Variants in ZNF691 observed in about 807,000 individuals in gnomAD.
The protein encoded by ZNF691 is zinc finger protein 691.
ZNF691 carries 11 observed loss-of-function variants against 24.1 expected under a neutral mutation model. That is an observed-to-expected ratio of 0.46 (90% CI 0.29 to 0.75). The LOEUF (loss-of-function observed/expected upper bound fraction) is 0.75, where lower values mean the gene tolerates loss of function less well. Ranked by LOEUF, ZNF691 falls within the 30% of genes least tolerant of loss-of-function variation. The pLI, the probability that ZNF691 is intolerant of heterozygous loss-of-function variation, is 0.11. For missense variants in ZNF691, 356 were observed against 409.0 expected (o/e 0.87, Z 1.12); for synonymous variants, 149 against 153.9 (o/e 0.97, Z 0.23).
rs1655380463 is a variant in ZNF691 at position 42,851,265 on chromosome 1, C to G, written c.400C>G (p.Gln134Glu). ...FNNTSNLRTH[Q>E]RIHTGEKPYK... ...TAATACCTCCAACCTGAGAACACAC[C>G]AGCGGATCCACACTGGTGAGAAGCC... Residue 134 changes from glutamine (Q) to glutamate (E), a missense_variant, in exon 4 of 4, where the codon CAG becomes GAG. Coordinates refer to ENST00000651192, the MANE Select transcript of ZNF691 (RefSeq NM_001242739.2). This position sits in a 1 kb window ranked among gnomAD's most constrained non-coding sequence, Gnocchi z 4.7. 1.2e-6 allele frequency: 2 copies of G among 1,613,724 alleles called. No individual in the cohort carries two copies.
At chr1:42,847,129 C>T (rs1655262938) in intron 1 of ZNF691, among the ~76,000 whole-genome samples, 1 of 152,204 alleles carries the variant, frequency 6.6e-6, no homozygotes, top group Non-Finnish European at 1.5e-5. Context: ...CCTCTGACTT[C>T]CTTGGTCCTC....
intron 1 of ZNF691, among the ~76,000 whole-genome samples, chr1:42,847,726 T>C (rs1205439597): frequency 6.6e-6 from 1 of 152,248 alleles, no homozygotes; most frequent in Non-Finnish European, 1.5e-5. Context: ...CCTTCAGTAA[T>C]AGTATAATGG....
chr1:42,848,192 C>T (rs1186154835), intron 1 of ZNF691, among the ~76,000 whole-genome samples: 1 of 152,098 alleles, frequency 6.6e-6, no homozygotes, highest in East Asian at 1.9e-4. Context: ...CTCAGAATAG[C>T]AGTTTCGGAA....
Position 42,851,556 on chromosome 1 carries a change from G to A in ZNF691, c.691G>A (p.Glu231Lys). The change falls in exon 4 of 4, where the codon GAG (glutamate) becomes AAG (lysine). Residue 231 changes from glutamate to lysine, a missense_variant. Glu to Lys is a moderately conservative substitution (Grantham distance 56, BLOSUM62 1). Transcript: ENST00000651192. This position sits in a 1 kb window ranked among gnomAD's most constrained non-coding sequence, Gnocchi z 4.7. Reference sequence around the variant, plus strand: ...GGAGCCAGCACCCTACATCTGCTGTGAGTGTGGGAAGAGCTTCAGCAACAG... The same window carrying A: ...GGAGCCAGCACCCTACATCTGCTGTAAGTGTGGGAAGAGCTTCAGCAACAG... ...HLEPAPYICC[E>K]CGKSFSNSSS... The A allele has an allele frequency of 6.2e-7, 1 of 1,614,234 alleles. No homozygotes were observed. The highest frequency in any genetic ancestry group is 8.5e-7 in the Non-Finnish European group (1 of 1,180,046).
In ZNF691 at chr1:42,851,081, G is replaced by T. The variant is rs776161006; in HGVS notation, c.216G>T (p.Gly72=). 1 of 1,609,494 alleles carries T rather than the reference G, an allele frequency of 6.2e-7. No individual in the cohort carries two copies. Among genetic ancestry groups the T allele is most frequent in the Admixed American group, 1.7e-5 (1 of 59,586 alleles). The part of the protein sequence containing the change: ...SWIPPGEKEH[G]QESLSDELQE... ...TCCCACCTGGGGAGAAGGAGCATGG[G>T]CAAGAGAGCCTGTCGGATGAACTGC... Residue 72 remains glycine (G), a synonymous_variant, in exon 4 of 4, where the codon GGG becomes GGT. Coordinates refer to ENST00000651192, the MANE Select transcript of ZNF691 (RefSeq NM_001242739.2). The surrounding 1 kb of genome is among the most constrained non-coding windows in gnomAD (Gnocchi z 4.7).
At chr1:42,846,944 C>G (rs996241677) in intron 1 of ZNF691, among the ~76,000 whole-genome samples, 3 of 152,178 alleles carry the variant, frequency 2.0e-5, no homozygotes, top group Non-Finnish European at 4.4e-5. Flanking sequence ...GCCCCTCCTC[C>G]TCTCCCACCT....
rs1348744160 is a variant in ZNF691, at chr1:42,850,957, A to G, written c.92A>G (p.Glu31Gly). 5 of 1,535,804 alleles carry G rather than the reference A, an allele frequency of 3.3e-6. No individual in the cohort carries two copies. Among genetic ancestry groups the G allele is most frequent in the African/African-American group, 1.4e-5 (1 of 72,224 alleles). ...ATTTGTGTTCATTCTCAGGGTTCAGAGATGGGCAGTGAGAAGGAGCAGAGT... is the reference window on the plus strand; with the variant it reads ...ATTTGTGTTCATTCTCAGGGTTCAGGGATGGGCAGTGAGAAGGAGCAGAGT... ...EMLPLSSEGS[E>G]MGSEKEQSPE... Residue 31 changes from glutamate (E) to glycine (G), a missense_variant, in exon 4 of 4, where the codon GAG (glutamate) becomes GGG (glycine). Transcript: ENST00000651192.
At position 42,849,382 on chromosome 1, in the gene ZNF691, AT is replaced by A; in HGVS notation, c.-119del. On this transcript the variant is annotated 5_prime_UTR_variant, in exon 2 of 4. It introduces an in-frame stop codon into an upstream open reading frame of the 5' UTR. Transcript: ENST00000651192. ...ACACACTCTGCTGAGTATTACAGGC[AT>A]TTTTTTCTAATACAAAGTCTTGTAG... The A allele has an allele frequency of 1.7e-6, 1 of 579,954 alleles. No homozygotes were observed. Among genetic ancestry groups the A allele is most frequent in the Non-Finnish European group, 3.3e-6 (1 of 307,020 alleles). The allele number at this position is 579,954 out of a possible 1,614,324, so 35.9% of individuals were successfully genotyped here.
chr1:42,851,912 C>T lies in ZNF691; in HGVS notation c.*99C>T. ...TTTGCTGCTACCTTGACCTCAAGCC[C>T]TTCATCCCACTTTGGAGAATGGTTT... On this transcript the variant is annotated 3_prime_UTR_variant, in exon 4 of 4. Transcript: ENST00000651192. This position sits in a 1 kb window ranked among gnomAD's most constrained non-coding sequence, Gnocchi z 4.7. The T allele has an allele frequency of 1.3e-6, 2 of 1,533,918 alleles. No individual in the cohort carries two copies. Among genetic ancestry groups the T allele is most frequent in the South Asian group, 1.2e-5 (1 of 84,358 alleles).
chr1:42,851,983 C>A lies in ZNF691; in HGVS notation c.*170C>A. ...GATCTCAGGAAGTCCTGAGGAGGGACTCTGGAATAAAAACCCTTGCCTCTT... is the reference window on the plus strand; with the variant it reads ...GATCTCAGGAAGTCCTGAGGAGGGAATCTGGAATAAAAACCCTTGCCTCTT... On this transcript the variant is annotated 3_prime_UTR_variant, in exon 4 of 4. Coordinates refer to ENST00000651192, the MANE Select transcript of ZNF691 (RefSeq NM_001242739.2). This position sits in a 1 kb window ranked among gnomAD's most constrained non-coding sequence, Gnocchi z 4.7. The A allele has an allele frequency of 9.3e-7, 1 of 1,069,594 alleles. No individual in the cohort carries two copies. Among genetic ancestry groups the A allele is most frequent in the Non-Finnish European group, 1.4e-6 (1 of 708,142 alleles). The allele number at this position is 1,069,594 out of a possible 1,614,324, so 66.3% of individuals were successfully genotyped here.
intron 3 of ZNF691, among the ~76,000 whole-genome samples, chr1:42,850,007 G>T (rs186524996): frequency 1.2e-4 from 18 of 152,148 alleles, no homozygotes; most frequent in Admixed American, 6.5e-4. Flanking sequence ...ATATATGTGT[G>T]TGGCTGTGGT....
intron 3 of ZNF691, chr1:42,850,644 A>T (rs911172465): frequency 1.3e-6 from 2 of 1,548,282 alleles, no homozygotes; most frequent in Admixed American, 2.0e-5. Context: ...TATAGTCTGG[A>T]TTGTCATTGC....
At chr1:42,850,299 T>C (rs1245068157) in intron 3 of ZNF691, 1 of 539,022 alleles carries the variant, frequency 1.9e-6, no homozygotes, top group Non-Finnish European at 2.4e-6. Flanking sequence ...TGGAGGGCAC[T>C]GACTGATCAG....
At chr1:42,846,714 ACT>A (rs945854391) in intron 1 of ZNF691, 57 bp downstream of exon 1, 2 of 151,416 alleles carry the variant, frequency 1.3e-5, no homozygotes, top group South Asian at 2.1e-4. Flanking sequence ...TTCGCGGGAA[ACT>A]CTGTACACGG....
In ZNF691 at chr1:42,851,412, C is replaced by T. The variant is rs778602648; in HGVS notation, c.547C>T (p.Arg183Cys). 35 of 1,614,002 alleles carry T rather than the reference C, an allele frequency of 2.2e-5. No homozygotes were observed. Among genetic ancestry groups the T allele is most frequent in the African/African-American group, 1.1e-4 (8 of 74,924 alleles). Residue 183 changes from arginine (R) to cysteine (C), a missense_variant, in exon 4 of 4, where the codon CGC becomes TGC. Coordinates refer to ENST00000651192, the MANE Select transcript of ZNF691 (RefSeq NM_001242739.2). The surrounding 1 kb of genome is among the most constrained non-coding windows in gnomAD (Gnocchi z 4.7). ...CPKCQESFRR[R>C]SDLTTHQQDH... ...CAAGTGCCAGGAGAGCTTTCGGCGG[C>T]GCTCAGACCTCACCACGCACCAGCA... is the stretch of plus-strand genomic sequence containing the variant.
At chr1:42,846,994 C>T (rs1655256738) in intron 1 of ZNF691, among the ~76,000 whole-genome samples, 1 of 152,096 alleles carries the variant, frequency 6.6e-6, no homozygotes, top group Non-Finnish European at 1.5e-5. Flanking sequence ...GAAACCAGCT[C>T]TTGTACCCTT....
At position 42,849,336 on chromosome 1, in the gene ZNF691, T is replaced by G. The variant is rs141014079; in HGVS notation, c.-172T>G. The G allele has an allele frequency of 2.3e-4, 117 of 513,904 alleles. No homozygotes were observed. Among genetic ancestry groups the G allele is most frequent in the Non-Finnish European group, 2.8e-4 (75 of 265,000 alleles). The allele number at this position is 513,904 out of a possible 1,614,324, so 31.8% of individuals were successfully genotyped here. A position where few individuals can be genotyped will look rare whatever the true frequency, so the allele number is the denominator to read the frequency against. ...AACAGTTGTAACAGCAGCTGCCATT[T>G]GCTGAATGACAGCATGTGTCACACA... is the stretch of plus-strand genomic sequence containing the variant. On this transcript the variant is annotated 5_prime_UTR_variant, in exon 2 of 4. Coordinates refer to ENST00000651192, the MANE Select transcript of ZNF691 (RefSeq NM_001242739.2).
In ZNF691 at chr1:42,850,882, C is replaced by G. The variant is rs777844768; in HGVS notation, c.85-68C>G. 1.4e-5 allele frequency: 21 copies of G among 1,552,542 alleles called. 1 individual carries two copies. The East Asian group carries it at 3.8e-4, about 28-fold the overall frequency. Reference sequence around the variant, plus strand: ...GAAGGTGTATACCCTTCAAACTGAACAAAAGATTCCCTGTGATCTGGCCCA... The same window carrying G: ...GAAGGTGTATACCCTTCAAACTGAAGAAAAGATTCCCTGTGATCTGGCCCA... On this transcript the variant is annotated intron_variant, in intron 3 of 3. Transcript: ENST00000651192.
chr1:42,850,639 T>C lies in ZNF691; in HGVS notation c.85-311T>C, dbSNP rs750862310. 20 of 1,547,244 alleles carry C rather than the reference T, an allele frequency of 1.3e-5. No homozygotes were observed. In the South Asian group the frequency reaches 2.3e-4, roughly 18 times the overall value. On this transcript the variant is annotated intron_variant, in intron 3 of 3. Transcript: ENST00000651192. ...TCTTTTACTTGCCCATGAATTATAG[T>C]CTGGATTGTCATTGCTTAGTGGTTT... is the stretch of plus-strand genomic sequence containing the variant.
Sources: gnomAD v4.1 joint callset for allele counts (sites outside exome capture counted in the v4.1 genomes callset) on GRCh38, gnomAD v4.1.1 for gene constraint, Gnocchi (gnomAD v3.1) non-coding constraint, MANE v1.5 for transcripts, NCBI Gene and HGNC (gene_info 2026-07-23, HGNC 2026-07-21) for gene names.